TOM1L2: variants seen among roughly 807,000 people sequenced by gnomAD.
TOM1L2 encodes the protein target of myb1 like 2 membrane trafficking protein.
A neutral mutation model predicts 67.9 loss-of-function variants in TOM1L2; 31 were observed. The observed-to-expected ratio is 0.46, with a 90% CI of 0.34 to 0.62. TOM1L2 has a LOEUF of 0.62. TOM1L2 is among the 20% of genes least tolerant of loss of function. The pLI, the probability that TOM1L2 is intolerant of heterozygous loss-of-function variation, is 0.01. For synonymous variants in TOM1L2, 256 were observed against 254.0 expected (o/e 1.01, Z -0.07); for missense variants, 606 against 663.5 (o/e 0.91, Z 0.95).
intron 3 of TOM1L2, among the ~76,000 whole-genome samples, chr17:17,897,513 C>T (rs2038633193): frequency 6.6e-6 from 1 of 152,178 alleles, no homozygotes; most frequent in Admixed American, 6.5e-5. Context: ...TTTAAGAACT[C>T]ACTGTGGCCC....
At chr17:17,940,117 C>T (rs890045562) in intron 1 of TOM1L2, among the ~76,000 whole-genome samples, 1 of 146,602 alleles carries the variant, frequency 6.8e-6, no homozygotes, top group Non-Finnish European at 1.5e-5. Flanking sequence ...CACTTGAACC[C>T]AGGAGGCGGA....
At chr17:17,910,059 G>A (rs768108957) in intron 1 of TOM1L2, among the ~76,000 whole-genome samples, 4 of 152,114 alleles carry the variant, frequency 2.6e-5, no homozygotes, top group Admixed American at 6.5e-5. Context: ...TGGTTAAAAT[G>A]ATAAATTTAA....
At chr17:17,869,598 C>T in intron 7 of TOM1L2, 125 bp from the exon 8 acceptor site, 1 of 1,417,378 alleles carries the variant, frequency 7.1e-7, no homozygotes, top group Admixed American at 2.9e-5. Flanking sequence ...TTCATAAAAC[C>T]AGACATGTGC....
At chr17:17,864,432 G>A (rs1165568450) in intron 10 of TOM1L2, among the ~76,000 whole-genome samples, 20 of 150,520 alleles carry the variant, frequency 1.3e-4, no homozygotes, top group Non-Finnish European at 1.9e-4. Context: ...GGATGGTCTC[G>A]ATCTCCTGAC....
chr17:17,950,699 T>C (rs1217249007), intron 1 of TOM1L2, among the ~76,000 whole-genome samples: 2 of 152,210 alleles, frequency 1.3e-5, no homozygotes, highest in East Asian at 1.9e-4. Context: ...TTTAGATTAA[T>C]GCCAAGTGAA....
At chr17:17,958,914 A>G (rs2041577933) in intron 1 of TOM1L2, among the ~76,000 whole-genome samples, 1 of 152,180 alleles carries the variant, frequency 6.6e-6, no homozygotes, top group Non-Finnish European at 1.5e-5. Flanking sequence ...AGATTTAATC[A>G]CTCATGCCCA....
In TOM1L2 at chr17:17,871,687, AATATAAAGTATTCT is replaced by A. The variant is rs2037162785; in HGVS notation, c.778-2228_778-2215del. 2.0e-5 allele frequency among the ~76,000 whole-genome samples: 3 copies of A among 152,078 alleles called. No individual in the cohort carries two copies. The South Asian group carries it at 6.2e-4, about 31-fold the overall frequency. On this transcript the variant is annotated intron_variant, in intron 7 of 14. Coordinates refer to ENST00000379504, the MANE Select transcript of TOM1L2 (RefSeq NM_001082968.2). ...CCCTGTCTCCAAAAAATAAAAATAA[AATATAAAGTATTCT>A]GAACTCTTGGTCCCCGCAAATTACC... is the stretch of plus-strand genomic sequence containing the variant.
intron 1 of TOM1L2, among the ~76,000 whole-genome samples, chr17:17,945,062 G>A (rs745400911): frequency 2.0e-5 from 3 of 152,332 alleles, no homozygotes; most frequent in South Asian, 2.1e-4. Context: ...AATCAGGGCC[G>A]TGGACACCAA....
intron 8 of TOM1L2, among the ~76,000 whole-genome samples, chr17:17,867,562 T>G (rs970050346): frequency 6.6e-6 from 1 of 151,882 alleles, no homozygotes; most frequent in African/African-American, 2.4e-5. Flanking sequence ...TCCTGTCAGG[T>G]GGGGAACGGA....
At chr17:17,852,106 C>T (rs893537311) in intron 12 of TOM1L2, among the ~76,000 whole-genome samples, 2 of 117,176 alleles carry the variant, frequency 1.7e-5, no homozygotes, top group South Asian at 2.2e-4. Context: ...ATTTCTATTA[C>T]AAAAATGCCA....
At chr17:17,852,261 A>G (rs552683363) in intron 12 of TOM1L2, among the ~76,000 whole-genome samples, 3 of 152,332 alleles carry the variant, frequency 2.0e-5, no homozygotes, top group South Asian at 2.1e-4. Context: ...CAAAGAACAC[A>G]TATCACCAGC....
At chr17:17,890,884 G>A (rs1414146274) in intron 4 of TOM1L2, among the ~76,000 whole-genome samples, 1 of 152,104 alleles carries the variant, frequency 6.6e-6, no homozygotes, top group Non-Finnish European at 1.5e-5. Context: ...AAAGGGCTAG[G>A]GATCCTGTTT....
chr17:17,911,448 T>C (rs1474558962), intron 1 of TOM1L2, among the ~76,000 whole-genome samples: 2 of 152,208 alleles, frequency 1.3e-5, no homozygotes, highest in Non-Finnish European at 2.9e-5. Context: ...CTTGCCCCAC[T>C]GTTCCCTAGA....
At chr17:17,931,871 T>C (rs1568312528) in intron 1 of TOM1L2, among the ~76,000 whole-genome samples, 1 of 152,180 alleles carries the variant, frequency 6.6e-6, no homozygotes, top group Non-Finnish European at 1.5e-5. Flanking sequence ...ATAATTCTTA[T>C]CATACAGGTC....
intron 3 of TOM1L2, among the ~76,000 whole-genome samples, chr17:17,898,302 G>A (rs930828164): frequency 6.6e-6 from 1 of 152,162 alleles, no homozygotes; most frequent in African/African-American, 2.4e-5. Flanking sequence ...ACAGAAAAGG[G>A]ACCCACCCAA....
intron 6 of TOM1L2, 127 bp downstream of exon 6, chr17:17,882,578 C>T: frequency 7.8e-7 from 1 of 1,288,252 alleles, no homozygotes; most frequent in East Asian, 2.4e-5. Context: ...GGGGATTGAG[C>T]CCTTCCATCT....
At chr17:17,911,415 A>G (rs1169541222) in intron 1 of TOM1L2, among the ~76,000 whole-genome samples, 1 of 152,234 alleles carries the variant, frequency 6.6e-6, no homozygotes, top group Non-Finnish European at 1.5e-5. Context: ...TTATCCGTCC[A>G]GAGGGCTGGC....
In TOM1L2 at chr17:17,847,754, T is replaced by C. The variant is rs766989418; in HGVS notation, c.1405A>G (p.Lys469Glu). The C allele has an allele frequency of 6.2e-7, 1 of 1,614,058 alleles. No homozygotes were observed. The highest frequency in any genetic ancestry group is 1.1e-5 in the South Asian group (1 of 91,086). Residue 469 changes from lysine to glutamate, a missense_variant, in exon 15 of 15, where the codon AAA becomes GAA. By Grantham distance (56) the Lys-to-Glu change is moderately conservative. Coordinates refer to ENST00000379504, the MANE Select transcript of TOM1L2 (RefSeq NM_001082968.2). ...AGGTCGGGAACCATTTCAGCAGCTTTGGCTCTTTCTTCAAGGAATTTATCA... is the reference window on the plus strand; with the variant it reads ...AGGTCGGGAACCATTTCAGCAGCTTCGGCTCTTTCTTCAAGGAATTTATCA... ...EFDKFLEERA[K>E]AAEMVPDLPS...
intron 12 of TOM1L2, among the ~76,000 whole-genome samples, chr17:17,857,082 G>A (rs971781292): frequency 2.6e-5 from 4 of 152,144 alleles, no homozygotes; most frequent in Non-Finnish European, 4.4e-5. Context: ...AGCCTCCCAA[G>A]TAGTTGGGAT....
Sources: gnomAD v4.1 joint callset for allele counts (sites outside exome capture counted in the v4.1 genomes callset) on GRCh38, gnomAD v4.1.1 for gene constraint, MANE v1.5 for transcripts, NCBI Gene and HGNC (gene_info 2026-07-23, HGNC 2026-07-21) for gene names.